Variants in PLCG2 observed in about 807,000 individuals in gnomAD.
The protein encoded by PLCG2 is 1-phosphatidylinositol 4,5-bisphosphate phosphodiesterase gamma-2.
In PLCG2, 69 loss-of-function variants were observed where a neutral mutation model predicts 175.6. That is an observed-to-expected ratio of 0.39 (90% CI 0.32 to 0.48). PLCG2 has a LOEUF of 0.48. PLCG2 is among the 20% of genes least tolerant of loss of function. The pLI is 0.91. For missense variants in PLCG2, 1,798 were observed against 1,650.9 expected, an observed-to-expected ratio of 1.09 and a Z score of -1.54; for synonymous variants, 827 against 624.0, an observed-to-expected ratio of 1.33 and a Z score of -4.85.
intron 31 of PLCG2, among the ~76,000 whole-genome samples, chr16:81,953,452 A>G (rs1243629343): frequency 6.6e-6 from 1 of 152,168 alleles, no homozygotes. Context: ...AACAATTTAA[A>G]AGGTATTGGT....
chr16:81,836,171 C>G lies in PLCG2; in HGVS notation c.194-18273C>G, dbSNP rs55649358. 6.6e-3 allele frequency among the ~76,000 whole-genome samples: 1,009 copies of G among 152,176 alleles called. 13 individuals carry two copies. The highest frequency in any genetic ancestry group is 0.024 in the Middle Eastern group (7 of 294). ...TTGGTGTCAACTAGTGTTTTCATAC[C>G]CTAGAGACTATCCAAATGACACAGC... On this transcript the variant is annotated intron_variant, in intron 2 of 32. Coordinates refer to ENST00000564138, the MANE Select transcript of PLCG2 (RefSeq NM_002661.5).
At chr16:81,849,782 A>AC in intron 2 of PLCG2, among the ~76,000 whole-genome samples, 1 of 108,690 alleles carries the variant, frequency 9.2e-6, no homozygotes, top group Non-Finnish European at 2.4e-5. Flanking sequence ...AAAAAAAAAA[A>AC]AAAAAAAAAA....
chr16:81,896,906 T>G (rs554661858), intron 13 of PLCG2, among the ~76,000 whole-genome samples: 3 of 152,230 alleles, frequency 2.0e-5, no homozygotes, highest in African/African-American at 2.4e-5. Flanking sequence ...TTCAAGGGTT[T>G]CTGACCTCAG....
intron 2 of PLCG2, among the ~76,000 whole-genome samples, chr16:81,824,902 A>G (rs1426762946): frequency 6.6e-6 from 1 of 152,212 alleles, no homozygotes; most frequent in South Asian, 2.1e-4. Flanking sequence ...TGACCCAGGT[A>G]GGCCCAATGT....
intron 2 of PLCG2, among the ~76,000 whole-genome samples, chr16:81,787,680 C>A (rs1471210849): frequency 6.6e-6 from 1 of 151,928 alleles, no homozygotes; most frequent in Non-Finnish European, 1.5e-5. Context: ...AAAAGTAGAA[C>A]CTTTATATCA....
intron 2 of PLCG2, among the ~76,000 whole-genome samples, chr16:81,807,957 C>T (rs2143280815): frequency 6.6e-6 from 1 of 152,330 alleles, no homozygotes; most frequent in African/African-American, 2.4e-5. Flanking sequence ...AGCAATTCAT[C>T]CCCATGATCC....
chr16:81,811,705 T>G (rs2143295883), intron 2 of PLCG2, among the ~76,000 whole-genome samples: 1 of 152,306 alleles, frequency 6.6e-6, no homozygotes, highest in East Asian at 1.9e-4. Context: ...GAGCTCATCC[T>G]TTTTTATGGT....
intron 24 of PLCG2, among the ~76,000 whole-genome samples, chr16:81,929,426 C>T (rs535106283): frequency 1.4e-4 from 22 of 152,200 alleles, no homozygotes; most frequent in Non-Finnish European, 2.1e-4. Context: ...GATAGAGTCT[C>T]GCTGTGTCAC....
Position 81,958,518 on chromosome 16 carries a change from G to GTACTT in PLCG2, c.*523_*527dup. 4.3e-6 allele frequency: 1 copy of GTACTT among 232,352 alleles called. No individual in the cohort carries two copies. The highest frequency in any genetic ancestry group is 8.5e-6 in the Non-Finnish European group (1 of 117,776). The allele number at this position is 232,352 out of a possible 1,614,324, so 14.4% of individuals were successfully genotyped here. On this transcript the variant is annotated 3_prime_UTR_variant, in exon 33 of 33. Coordinates refer to ENST00000564138, the MANE Select transcript of PLCG2 (RefSeq NM_002661.5). ...CCACAGGCAGCCTGCTCAGTTCAAT[G>GTACTT]TACTTTAACTACCACCGGCTGCCTG...
At chr16:81,949,394 G>A (rs1388301495) in intron 31 of PLCG2, among the ~76,000 whole-genome samples, 1 of 152,170 alleles carries the variant, frequency 6.6e-6, no homozygotes, top group Non-Finnish European at 1.5e-5. Flanking sequence ...CACACTAGTT[G>A]TGTATAAAGG....
In PLCG2 at chr16:81,846,275, G is replaced by A. The variant is rs377220112; in HGVS notation, c.194-8169G>A. 2.3e-4 allele frequency among the ~76,000 whole-genome samples: 35 copies of A among 152,202 alleles called. 1 individual carries two copies. In the South Asian group the frequency reaches 5.4e-3, roughly 24 times the overall value. ...TTCCTTCAGGAGGACCTACTTTTCC[G>A]GTGTGATTCATGCTCCAGACATCCC... is the stretch of plus-strand genomic sequence containing the variant. On this transcript the variant is annotated intron_variant, in intron 2 of 32. Coordinates refer to ENST00000564138, the MANE Select transcript of PLCG2 (RefSeq NM_002661.5).
chr16:81,919,406 C>A, intron 19 of PLCG2, 78 bp from the exon 20 acceptor site: 1 of 1,120,946 alleles, frequency 8.9e-7, no homozygotes, highest in Non-Finnish European at 1.3e-6. Context: ...TAGGTTGTAT[C>A]TAATCAGTAG....
intron 2 of PLCG2, among the ~76,000 whole-genome samples, chr16:81,756,542 T>A (rs1027543760): frequency 1.3e-5 from 2 of 152,088 alleles, no homozygotes; most frequent in South Asian, 4.1e-4. Context: ...AAACCAGAGC[T>A]TATGAAGGTG....
chr16:81,876,494 G>A (rs1407316608), intron 7 of PLCG2, among the ~76,000 whole-genome samples: 2 of 152,138 alleles, frequency 1.3e-5, no homozygotes, highest in East Asian at 3.8e-4. Context: ...CCTGGCCCCT[G>A]CTTCTGTGAC....
rs773033222 is a variant in PLCG2, at chr16:81,936,248, C to G, written c.2922C>G (p.Leu974=). Residue 974 remains leucine (L), a synonymous_variant, in exon 27 of 33, where the codon CTC becomes CTG. Coordinates refer to ENST00000564138, the MANE Select transcript of PLCG2 (RefSeq NM_002661.5). The part of the protein sequence containing the change: ...DSIIRQKPVD[L]LKYNQKGLTR... The stretch of plus-strand genomic sequence containing the variant: ...TCATCAGACAGAAGCCCGTCGACCT[C>G]CTGAAGTACAATCAAAAGGGCCTGA... The G allele has an allele frequency of 1.6e-5, 26 of 1,614,164 alleles. No homozygotes were observed. In the Admixed American group the frequency reaches 4.2e-4, roughly 26 times the overall value.
intron 6 of PLCG2, 46 bp downstream of exon 6, chr16:81,869,344 CT>C: frequency 7.5e-7 from 1 of 1,335,614 alleles, no homozygotes; most frequent in Non-Finnish European, 1.1e-6. Context: ...TGCGGAGTGA[CT>C]TAGCCTCTCT....
At chr16:81,780,029 A>G (rs1277604009) in intron 1 of PLCG2, among the ~76,000 whole-genome samples, 1 of 152,182 alleles carries the variant, frequency 6.6e-6, no homozygotes, top group East Asian at 1.9e-4. Context: ...TTACCCGCAC[A>G]GCGCAAGAGT....
intron 2 of PLCG2, among the ~76,000 whole-genome samples, chr16:81,772,275 G>T (rs911916084): frequency 6.6e-6 from 1 of 152,092 alleles, no homozygotes; most frequent in African/African-American, 2.4e-5. Context: ...GCCAAGGAGC[G>T]CATGATCACC....
At chr16:81,774,300 A>C (rs897423695), upstream of PLCG2, among the ~76,000 whole-genome samples, 2 of 151,240 alleles carry the variant, frequency 1.3e-5, no homozygotes, top group African/African-American at 4.9e-5. Context: ...CAGTGAGCTG[A>C]GATCCAACCA....
Sources: gnomAD v4.1 joint callset for allele counts (sites outside exome capture counted in the v4.1 genomes callset) on GRCh38, gnomAD v4.1.1 for gene constraint, MANE v1.5 for transcripts, NCBI Gene and HGNC (gene_info 2026-07-23, HGNC 2026-07-21) for gene names.